The following OXCT1 variants were observed in gnomAD, a reference collection of about 807,000 sequenced individuals.
OXCT1 encodes the protein succinyl-CoA:3-ketoacid coenzyme A transferase 1, mitochondrial.
A neutral mutation model predicts 69.6 loss-of-function variants in OXCT1; 27 were observed. The observed-to-expected ratio is 0.39, with a 90% CI of 0.29 to 0.54. The LOEUF is 0.54. Among genes scored for constraint, OXCT1 ranks in the 20% least tolerant of loss-of-function variants. The pLI, the probability that OXCT1 is intolerant of heterozygous loss-of-function variation, is 0.72. For missense variants in OXCT1, 437 were observed against 650.2 expected (o/e 0.67, Z 3.57); for synonymous variants, 202 against 217.8 (o/e 0.93, Z 0.64).
At chr5:41,758,932 A>T (rs1025302519) in intron 14 of OXCT1, among the ~76,000 whole-genome samples, 1 of 152,116 alleles carries the variant, frequency 6.6e-6, no homozygotes, top group Non-Finnish European at 1.5e-5. Flanking sequence ...CACTGGGTTT[A>T]TCTGTGTGCC....
At chr5:41,829,007 A>G (rs1747957175) in intron 7 of OXCT1, among the ~76,000 whole-genome samples, 1 of 152,184 alleles carries the variant, frequency 6.6e-6, no homozygotes, top group Non-Finnish European at 1.5e-5. Context: ...CTGTGAACCA[A>G]TATTACAGAG....
At chr5:41,860,686 T>C (rs1045980530) in intron 3 of OXCT1, among the ~76,000 whole-genome samples, 6 of 152,210 alleles carry the variant, frequency 3.9e-5, no homozygotes, top group African/African-American at 1.4e-4. Flanking sequence ...TGACTTACCA[T>C]TTTGTAAAAA....
At chr5:41,734,533 A>T (rs1742793690) in intron 16 of OXCT1, among the ~76,000 whole-genome samples, 1 of 152,218 alleles carries the variant, frequency 6.6e-6, no homozygotes, top group Non-Finnish European at 1.5e-5. Context: ...GGCATACTGC[A>T]TGCTGTTAAG....
intron 13 of OXCT1, among the ~76,000 whole-genome samples, chr5:41,769,348 T>C (rs370426759): frequency 2.0e-5 from 3 of 152,050 alleles, no homozygotes; most frequent in East Asian, 3.9e-4. Flanking sequence ...CTACCAGTGC[T>C]CACATCTGTT....
At chr5:41,738,871 C>T (rs767292280) in intron 16 of OXCT1, among the ~76,000 whole-genome samples, 2 of 152,156 alleles carry the variant, frequency 1.3e-5, no homozygotes, top group East Asian at 1.9e-4. Flanking sequence ...TACTTATCTT[C>T]AAATACAGGG....
rs575242144 is a variant in OXCT1 at position 41,854,928 on chromosome 5, T to C, written c.279-1374A>G. 2.1e-4 allele frequency among the ~76,000 whole-genome samples: 32 copies of C among 152,266 alleles called. No individual in the cohort carries two copies. The South Asian group carries it at 2.3e-3, about 11-fold the overall frequency. On this transcript the variant is annotated intron_variant, in intron 3 of 16. Coordinates refer to ENST00000196371, the MANE Select transcript of OXCT1 (RefSeq NM_000436.4). ...TATGGGTCAGCAATTCCATTCTGGG[T>C]CTATAACCAACAGAAATGCATACTT...
At chr5:41,752,488 C>G (rs779956549) in intron 14 of OXCT1, among the ~76,000 whole-genome samples, 1 of 152,016 alleles carries the variant, frequency 6.6e-6, no homozygotes, top group Non-Finnish European at 1.5e-5. Context: ...TGGCATGGGT[C>G]ACACCTGTAA....
chr5:41,778,184 G>C (rs1402261899), intron 13 of OXCT1, among the ~76,000 whole-genome samples: 2 of 151,562 alleles, frequency 1.3e-5, no homozygotes, highest in East Asian at 3.9e-4. Flanking sequence ...TACTTACATA[G>C]CTAAATTTGG....
At chr5:41,808,482 G>A (rs1167780672) in intron 7 of OXCT1, among the ~76,000 whole-genome samples, 2 of 152,034 alleles carry the variant, frequency 1.3e-5, no homozygotes, top group Non-Finnish European at 2.9e-5. Context: ...GAATACCAGG[G>A]CTTACAGAAG....
intron 7 of OXCT1, among the ~76,000 whole-genome samples, chr5:41,838,883 T>G (rs934732525): frequency 1.3e-5 from 2 of 152,154 alleles, no homozygotes; most frequent in African/African-American, 2.4e-5. Flanking sequence ...CTGCGATAAA[T>G]TAGGCCTGAG....
rs77264091 is a variant in OXCT1 at position 41,861,619 on chromosome 5, T to C, written c.188-215A>G. Among the ~76,000 whole-genome samples, 750 of 152,334 alleles carry C rather than the reference T, an allele frequency of 4.9e-3. 8 individuals carry two copies. Among genetic ancestry groups the C allele is most frequent in the African/African-American group, 0.017 (703 of 41,580 alleles). On this transcript the variant is annotated intron_variant, in intron 2 of 16. Coordinates refer to ENST00000196371, the MANE Select transcript of OXCT1 (RefSeq NM_000436.4). Reference sequence around the variant, plus strand: ...TATATCACATATCACTGCCCAGTCTTTGAACCACAAGTATAAGCCAAGTGC... The same window carrying C: ...TATATCACATATCACTGCCCAGTCTCTGAACCACAAGTATAAGCCAAGTGC...
chr5:41,847,435 C>T (rs1243727585), intron 5 of OXCT1, among the ~76,000 whole-genome samples: 1 of 152,154 alleles, frequency 6.6e-6, no homozygotes. Context: ...TTTTATGAGG[C>T]CAGCATCATC....
intron 13 of OXCT1, among the ~76,000 whole-genome samples, chr5:41,775,809 C>T (rs955664923): frequency 2.6e-5 from 4 of 152,026 alleles, no homozygotes; most frequent in Non-Finnish European, 5.9e-5. Context: ...GCTCCTATGG[C>T]CCTATCGCTC....
chr5:41,760,694 G>C (rs1391528953), intron 14 of OXCT1, among the ~76,000 whole-genome samples: 1 of 152,198 alleles, frequency 6.6e-6, no homozygotes, highest in African/African-American at 2.4e-5. Flanking sequence ...AAAAGATTTG[G>C]ATTTGATTTG....
intron 7 of OXCT1, among the ~76,000 whole-genome samples, chr5:41,838,617 CTCAG>C (rs1031784624): frequency 2.0e-5 from 3 of 151,762 alleles, no homozygotes; most frequent in African/African-American, 7.3e-5. Context: ...AATTCAATTT[CTCAG>C]TCAATTTTTT....
intron 13 of OXCT1, among the ~76,000 whole-genome samples, chr5:41,774,035 A>G (rs1227138117): frequency 6.6e-6 from 1 of 152,234 alleles, no homozygotes; most frequent in African/African-American, 2.4e-5. Context: ...ATATAGCTAT[A>G]TGACAGATAT....
At chr5:41,772,658 G>A (rs901801852) in intron 13 of OXCT1, among the ~76,000 whole-genome samples, 10 of 152,134 alleles carry the variant, frequency 6.6e-5, no homozygotes, top group East Asian at 1.9e-4. Context: ...TGATGACCCC[G>A]TTTAATGACT....
At chr5:41,772,295 T>C (rs1288338231) in intron 13 of OXCT1, among the ~76,000 whole-genome samples, 1 of 151,740 alleles carries the variant, frequency 6.6e-6, no homozygotes, top group Non-Finnish European at 1.5e-5. Flanking sequence ...TGCAAAGCTC[T>C]AAGAGCACAA....
chr5:41,802,172 T>C (rs972417831), intron 10 of OXCT1, among the ~76,000 whole-genome samples: 1 of 152,142 alleles, frequency 6.6e-6, no homozygotes. Context: ...TATCCAAATA[T>C]ATATCATTTT....
Sources: gnomAD v4.1 joint callset for allele counts (sites outside exome capture counted in the v4.1 genomes callset) on GRCh38, gnomAD v4.1.1 for gene constraint, MANE v1.5 for transcripts, NCBI Gene and HGNC (gene_info 2026-07-23, HGNC 2026-07-21) for gene names.